The following HOOK2 variants were observed in gnomAD, a reference collection of about 807,000 sequenced individuals.
HOOK2 encodes hook microtubule tethering protein 2, also known as protein Hook homolog 2.
A neutral mutation model predicts 111.9 loss-of-function variants in HOOK2; 108 were observed. The observed-to-expected ratio is 0.96, with a 90% CI of 0.83 to 1.13. The LOEUF is 1.13. Ranked by LOEUF, HOOK2 falls within the 50% of genes most tolerant of loss-of-function variation. HOOK2 has a pLI of 0.00. For synonymous variants in HOOK2, 405 were observed against 394.3 expected, an observed-to-expected ratio of 1.03 and a Z score of -0.32; for missense variants, 978 against 951.3, an observed-to-expected ratio of 1.03 and a Z score of -0.37.
upstream of HOOK2, among the ~76,000 whole-genome samples, chr19:12,780,080 G>C (rs1968584140): frequency 6.6e-6 from 1 of 152,134 alleles, no homozygotes; most frequent in Admixed American, 6.5e-5. Flanking sequence ...AACCTGGGAG[G>C]CAGAGATTGC....
chr19:12,776,457 G>A (rs946885362), upstream of HOOK2, among the ~76,000 whole-genome samples: 3 of 151,538 alleles, frequency 2.0e-5, no homozygotes, highest in Non-Finnish European at 4.4e-5. Flanking sequence ...CGAGGCGGGC[G>A]GATCACGAGG....
At position 12,769,959 on chromosome 19, in the gene HOOK2, G is replaced by T. The variant is rs752846928; in HGVS notation, c.1026C>A (p.Ala342=). 1.3e-6 allele frequency: 2 copies of T among 1,552,970 alleles called. No homozygotes were observed. Among genetic ancestry groups the T allele is most frequent in the Non-Finnish European group, 1.7e-6 (2 of 1,156,180 alleles). The change falls in exon 11 of 23, where the codon GCC becomes GCA. Residue 342 remains alanine, a synonymous_variant. Coordinates refer to ENST00000397668, the MANE Select transcript of HOOK2 (RefSeq NM_013312.3). ...CATCCTCCAGTTGTCGCGTGCGCTC[G>T]GCGTGGCCGGCGTTGCGTTCCTCCA... The part of the protein sequence containing the change: ...RQLEERNAGH[A]ERTRQLEDEL...
chr19:12,775,070 G>A (rs117043859), intron 1 of HOOK2, 173 bp from the exon 2 acceptor site: 15,374 of 691,040 alleles, frequency 0.022, 209 homozygotes, highest in Non-Finnish European at 0.025. Context: ...AGGGGGCGTG[G>A]CCTCACCTCA....
rs1244715293 is a variant in HOOK2 at position 12,790,771 on chromosome 19, G to A, written n.42-16546C>T. On this transcript the variant is annotated intron_variant and non_coding_transcript_variant, in intron 3 of 3. Transcript: ENST00000589765. This position sits in a 1 kb window ranked among gnomAD's most constrained non-coding sequence, Gnocchi z 7.2. Reference sequence around the variant, plus strand: ...TCAGTGTACCCCAGGCCGCTTACTAGCTTTCTGCATATCTAGACTTCCCCT... The same window carrying A: ...TCAGTGTACCCCAGGCCGCTTACTAACTTTCTGCATATCTAGACTTCCCCT... Among the ~76,000 whole-genome samples, 2 of 152,162 alleles carry A rather than the reference G, an allele frequency of 1.3e-5. No individual in the cohort carries two copies. The highest frequency in any genetic ancestry group is 3.9e-4 in the East Asian group (2 of 5,194).
intron 7 of HOOK2, 92 bp from the exon 8 acceptor site, chr19:12,771,569 C>A: frequency 9.4e-7 from 1 of 1,061,920 alleles, no homozygotes; most frequent in Non-Finnish European, 1.4e-6. Context: ...TGGAGGGGGC[C>A]AAGAAACCCT....
chr19:12,774,733 G>T lies in HOOK2; in HGVS notation c.140C>A (p.Ser47Tyr). ...VAYVLNQIDPSWFNEAWLQGI... is the reference protein window; with the variant it reads ...VAYVLNQIDPYWFNEAWLQGI... ...CTGGAGCCATGCCTCGTTGAACCAG[G>T]AGGGGTCTCTGGGGGCGAGAAGGTG... The change falls in exon 3 of 23, where the codon TCC (serine) becomes TAC (tyrosine). Residue 47 changes from serine (S) to tyrosine (Y), a missense_variant. Around this residue, in one of 5 missense-constraint regions of HOOK2, gnomAD observed 301 missense variants for 286.1 expected, o/e 1.05. Transcript: ENST00000397668. The T allele has an allele frequency of 6.2e-7, 1 of 1,614,132 alleles. No homozygotes were observed. Among genetic ancestry groups the T allele is most frequent in the Non-Finnish European group, 8.5e-7 (1 of 1,179,976 alleles).
Position 12,774,809 on chromosome 19 carries a change from C to A in HOOK2, c.131+3G>T, listed in dbSNP as rs763094267. On this transcript the variant is annotated splice_donor_region_variant and intron_variant, in intron 2 of 22. Transcript: ENST00000397668. ...TGGGATCCTCCCCTTCAGCTCCACT[C>A]ACATCTGGTTCAGCACATAGGCTAC... 3.1e-6 allele frequency: 5 copies of A among 1,614,104 alleles called. No homozygotes were observed. The highest frequency in any genetic ancestry group is 4.2e-6 in the Non-Finnish European group (5 of 1,179,956).
upstream of HOOK2, among the ~76,000 whole-genome samples, chr19:12,776,160 AGCCACCGC>A (rs1406026327): frequency 1.4e-5 from 2 of 147,212 alleles, no homozygotes; most frequent in East Asian, 4.3e-4. Context: ...TACAGGCGTG[AGCCACCGC>A]GCCCGGCCTT....
chr19:12,780,447 C>T (rs573663701), upstream of HOOK2, among the ~76,000 whole-genome samples: 124 of 151,606 alleles, frequency 8.2e-4, no homozygotes, highest in Non-Finnish European at 1.5e-3. Flanking sequence ...AGCTCCGCCT[C>T]CCGGGTTCAC....
upstream of HOOK2, among the ~76,000 whole-genome samples, chr19:12,782,993 C>T (rs1374897795): frequency 6.6e-6 from 1 of 152,042 alleles, no homozygotes; most frequent in Non-Finnish European, 1.5e-5. Context: ...AGTCTACTGA[C>T]AATGCGCTTC....
At chr19:12,771,991 G>A (rs1261110993) in intron 7 of HOOK2, 199 bp downstream of exon 7, 2 of 599,716 alleles carry the variant, frequency 3.3e-6, no homozygotes, top group East Asian at 2.8e-5. Context: ...GAAGTGGCTA[G>A]CACCCTGGAA....
At chr19:12,763,898 C>G (rs1968072043) in intron 20 of HOOK2, 120 bp from the exon 21 acceptor site, 3 of 703,484 alleles carry the variant, frequency 4.3e-6, no homozygotes, top group Non-Finnish European at 7.1e-6. Flanking sequence ...CCCTATGTTG[C>G]CCAGGATGGT....
chr19:12,789,458 T>A (rs968094942), intron 3 of HOOK2, among the ~76,000 whole-genome samples: 1 of 152,094 alleles, frequency 6.6e-6, no homozygotes, highest in African/African-American at 2.4e-5. Context: ...GGGCTCCCTC[T>A]AGGTATTCTG....
Position 12,765,020 on chromosome 19 carries a change from C to T in HOOK2, c.1702G>A (p.Glu568Lys), listed in dbSNP as rs763414107. ...TTACTGCTGCTGTCAGTGGGTGGCT[C>T]CAGCTCCTCAATGTACTCCCGCTTC... is the stretch of plus-strand genomic sequence containing the variant. ...QRKREYIEEL[E>K]PPTDSSTARR... Residue 568 changes from glutamate (E) to lysine (K), a missense_variant, in exon 19 of 23, where the codon GAG becomes AAG. Physicochemically the swap from Glu to Lys is moderately conservative, Grantham distance 56. Around this residue, in one of 5 missense-constraint regions of HOOK2, gnomAD observed 277 missense variants for 265.8 expected, o/e 1.04. Coordinates refer to ENST00000397668, the MANE Select transcript of HOOK2 (RefSeq NM_013312.3). 29 of 1,614,166 alleles carry T rather than the reference C, an allele frequency of 1.8e-5. No homozygotes were observed. The highest frequency in any genetic ancestry group is 2.5e-5 in the Non-Finnish European group (29 of 1,180,018).
At chr19:12,780,297 G>A (rs1445274371), upstream of HOOK2, among the ~76,000 whole-genome samples, 1 of 152,142 alleles carries the variant, frequency 6.6e-6, no homozygotes, top group Non-Finnish European at 1.5e-5. Context: ...TTGTGTGTCT[G>A]TGTCTACTAT....
chr19:12,774,938 G>C (rs757486788), intron 1 of HOOK2, 41 bp from the exon 2 acceptor site: 67 of 1,574,146 alleles, frequency 4.3e-5, no homozygotes, highest in Non-Finnish European at 5.8e-5. Context: ...GTTAGGGCCT[G>C]GGAGCGCCGA....
intron 3 of HOOK2, chr19:12,792,303 C>T (rs1226853530): frequency 3.3e-6 from 5 of 1,500,698 alleles, no homozygotes; most frequent in Admixed American, 2.4e-5. Context: ...CGGCCCGGAG[C>T]CACCTCCCGT....
At position 12,772,611 on chromosome 19, in the gene HOOK2, A is replaced by G. The variant is rs771351295; in HGVS notation, c.456+2T>C. On this transcript the variant is annotated splice_donor_variant, in intron 6 of 22. Coordinates refer to ENST00000397668, the MANE Select transcript of HOOK2 (RefSeq NM_013312.3). LOFTEE classifies it high-confidence loss of function. ...AATTGCACACTGAGTGCCCCCACCCACCTCTTGGATGGCTTCCATCACCAC... is the reference window on the plus strand; with the variant it reads ...AATTGCACACTGAGTGCCCCCACCCGCCTCTTGGATGGCTTCCATCACCAC... 2 of 1,613,322 alleles carry G rather than the reference A, an allele frequency of 1.2e-6. No individual in the cohort carries two copies. The highest frequency in any genetic ancestry group is 2.7e-5 in the African/African-American group (2 of 74,720).
chr19:12,769,779 TA>T (rs1346787132), intron 11 of HOOK2, 101 bp downstream of exon 11: 5 of 981,302 alleles, frequency 5.1e-6, no homozygotes, highest in Non-Finnish European at 6.9e-6. Flanking sequence ...GTGGCCTACG[TA>T]CAAATAAGGG....
Sources: allele counts gnomAD v4.1 joint callset (sites outside exome capture counted in the v4.1 genomes callset), GRCh38; gene constraint gnomAD v4.1.1; regional missense constraint gnomAD v4.1.1; non-coding constraint Gnocchi (gnomAD v3.1); transcripts MANE v1.5; gene names NCBI Gene and HGNC (gene_info 2026-07-23, HGNC 2026-07-21).